N4BP1: variants seen among roughly 807,000 people sequenced by gnomAD.
N4BP1 encodes the protein NEDD4-binding protein 1.
N4BP1 carries 21 observed loss-of-function variants against 70.9 expected under a neutral mutation model. That is an observed-to-expected ratio of 0.30 (90% CI 0.21 to 0.43). The LOEUF is 0.43. Among genes scored for constraint, N4BP1 ranks in the 20% least tolerant of loss-of-function variants. The pLI is 1.00. For synonymous variants in N4BP1, 387 were observed against 394.6 expected (o/e 0.98, Z 0.23); for missense variants, 936 against 1,069.4 (o/e 0.88, Z 1.74).
rs186530978 is a variant in N4BP1, at chr16:48,554,434, T to C, written c.1890-765A>G. Among the ~76,000 whole-genome samples, 532 of 152,166 alleles carry C rather than the reference T, an allele frequency of 3.5e-3. 2 individuals carry two copies. The highest frequency in any genetic ancestry group is 6.2e-3 in the Non-Finnish European group (419 of 67,998). On this transcript the variant is annotated intron_variant, in intron 2 of 6. Transcript: ENST00000262384. The stretch of plus-strand genomic sequence containing the variant: ...GGATTAAAAAATGCCCACCCCTCCA[T>C]CCATAACACATTTCAACGGAAAGGA...
At chr16:48,558,307 AAAG>A (rs1206990771) in intron 2 of N4BP1, among the ~76,000 whole-genome samples, 25 of 130,378 alleles carry the variant, frequency 1.9e-4, no homozygotes, top group East Asian at 6.1e-4. Context: ...AAAAAAAAAA[AAAG>A]AAGAAATAAA....
At chr16:48,572,755 G>T (rs1964037025) in intron 1 of N4BP1, among the ~76,000 whole-genome samples, 1 of 152,136 alleles carries the variant, frequency 6.6e-6, no homozygotes, top group Non-Finnish European at 1.5e-5. Context: ...ATGCTAAATA[G>T]AGATATAAAT....
rs1481342693 is a variant in N4BP1, at chr16:48,540,806, G to T, written c.*2098C>A. ...CACACTGAGGCTAGTACTGGAGGAG[G>T]CTGAGAACCAGTAATGAGTTCTTAA... On this transcript the variant is annotated 3_prime_UTR_variant, in exon 7 of 7. Coordinates refer to ENST00000262384, the MANE Select transcript of N4BP1 (RefSeq NM_153029.4). 6.6e-6 allele frequency: 1 copy of T among 152,236 alleles called. No individual in the cohort carries two copies. Among genetic ancestry groups the T allele is most frequent in the Non-Finnish European group, 1.5e-5 (1 of 68,052 alleles). 9.4% of individuals were successfully genotyped at this position (152,236 alleles called of 1,614,324 possible).
chr16:48,603,073 C>T (rs774513885), intron 1 of N4BP1, among the ~76,000 whole-genome samples: 7 of 152,150 alleles, frequency 4.6e-5, no homozygotes, highest in African/African-American at 7.2e-5. Context: ...AGTACCTGGT[C>T]AACTTGAACC....
chr16:48,596,861 T>C (rs148802585), intron 1 of N4BP1, among the ~76,000 whole-genome samples: 1 of 152,286 alleles, frequency 6.6e-6, no homozygotes, highest in East Asian at 1.9e-4. Flanking sequence ...CTCCAAGAGT[T>C]TGAACCTCCC....
At chr16:48,552,978 T>C (rs747921924) in intron 3 of N4BP1, among the ~76,000 whole-genome samples, 59 of 152,212 alleles carry the variant, frequency 3.9e-4, no homozygotes, top group South Asian at 1.0e-3. Context: ...TTCCAGGCCC[T>C]CTGATGTGTT....
At chr16:48,596,430 A>G (rs1209732671) in intron 1 of N4BP1, among the ~76,000 whole-genome samples, 2 of 152,154 alleles carry the variant, frequency 1.3e-5, no homozygotes, top group African/African-American at 4.8e-5. Flanking sequence ...CACTCCTCTC[A>G]CTTTGTGGTC....
At chr16:48,589,042 T>C (rs1340414948) in intron 1 of N4BP1, among the ~76,000 whole-genome samples, 1 of 152,198 alleles carries the variant, frequency 6.6e-6, no homozygotes, top group Non-Finnish European at 1.5e-5. Flanking sequence ...CCAGAATCTG[T>C]GAAATTACAT....
At chr16:48,600,208 G>GC (rs1964474952) in intron 1 of N4BP1, 2 of 720,042 alleles carry the variant, frequency 2.8e-6, no homozygotes, top group Non-Finnish European at 2.5e-6. Flanking sequence ...ATCTACCCTG[G>GC]CCACGGCATG....
chr16:48,566,047 T>C (rs1963938912), intron 1 of N4BP1, among the ~76,000 whole-genome samples: 1 of 152,174 alleles, frequency 6.6e-6, no homozygotes, highest in Non-Finnish European at 1.5e-5. Flanking sequence ...TATTGATCTT[T>C]TCAAAGAACA....
At position 48,562,420 on chromosome 16, in the gene N4BP1, G is replaced by A; in HGVS notation, c.223C>T (p.Pro75Ser). 4 of 1,609,978 alleles carry A rather than the reference G, an allele frequency of 2.5e-6. No individual in the cohort carries two copies. The highest frequency in any genetic ancestry group is 3.4e-6 in the Non-Finnish European group (4 of 1,178,728). Reference sequence around the variant, plus strand: ...TAACATTCTCTTTCTTCTAGTTCAGGTTCACAGATTCCTTTAATATATTCC... The same window carrying A: ...TAACATTCTCTTTCTTCTAGTTCAGATTCACAGATTCCTTTAATATATTCC... ...AKEYIKGICE[P>S]ELEERECYPK... is the part of the protein sequence containing the mutation. Residue 75 changes from proline to serine, a missense_variant, in exon 2 of 7, where the codon CCT (proline) becomes TCT (serine). By Grantham distance (74) the Pro-to-Ser change is moderately conservative (BLOSUM62 -1). Transcript: ENST00000262384.
At chr16:48,595,421 C>T (rs555297867) in intron 1 of N4BP1, among the ~76,000 whole-genome samples, 1 of 125,704 alleles carries the variant, frequency 8.0e-6, no homozygotes, top group South Asian at 2.5e-4. Flanking sequence ...CACACCACTG[C>T]ACTCAAGCCT....
intron 1 of N4BP1, among the ~76,000 whole-genome samples, chr16:48,595,838 T>C (rs1964404690): frequency 1.3e-5 from 2 of 152,164 alleles, no homozygotes; most frequent in South Asian, 4.1e-4. Context: ...CTGTGGTAAG[T>C]AAAGAATGTC....
Position 48,589,582 on chromosome 16 carries a change from C to T in N4BP1, c.198+20193G>A, listed in dbSNP as rs118102154. ...CTTTGTAACAGCCTTTACAATTAAC[C>T]AGTAAGTGTCTTGCCCAGAGTTCTC... is the stretch of plus-strand genomic sequence containing the variant. On this transcript the variant is annotated intron_variant, in intron 1 of 6. Transcript: ENST00000262384. Among the ~76,000 whole-genome samples the T allele has an allele frequency of 8.0e-4, 122 of 152,182 alleles. 1 individual carries two copies. The East Asian group carries it at 0.02, about 24-fold the overall frequency.
rs539832678 is a variant in N4BP1 at position 48,573,312 on chromosome 16, C to G, written c.199-10868G>C. Among the ~76,000 whole-genome samples the G allele has an allele frequency of 4.6e-5, 7 of 151,736 alleles. No homozygotes were observed. The South Asian group carries it at 1.5e-3, about 32-fold the overall frequency. On this transcript the variant is annotated intron_variant, in intron 1 of 6. Coordinates refer to ENST00000262384, the MANE Select transcript of N4BP1 (RefSeq NM_153029.4). ...AATTGATAAGAAATAGCAGTACAGG[C>G]TGGGCACAGTGGCTCACACCTATAA...
At position 48,561,675 on chromosome 16, in the gene N4BP1, T is replaced by A; in HGVS notation, c.968A>T (p.Asp323Val). The change falls in exon 2 of 7, where the codon GAC (aspartate) becomes GTC (valine). Residue 323 changes from aspartate to valine, a missense_variant. Transcript: ENST00000262384. ...AKTLAGNVIA[D>V]LSDSSADSEN... ...AGAATCAGCAGAAGAATCAGATAGG[T>A]CAGCTATTACATTTCCAGCCAATGT... The A allele has an allele frequency of 1.2e-6, 2 of 1,613,272 alleles. No individual in the cohort carries two copies. The highest frequency in any genetic ancestry group is 2.2e-5 in the South Asian group (2 of 91,080).
Position 48,561,337 on chromosome 16 carries a change from G to C in N4BP1, c.1306C>G (p.Gln436Glu), listed in dbSNP as rs1458160210. Residue 436 changes from glutamine (Q) to glutamate (E), a missense_variant, in exon 2 of 7, where the codon CAA (glutamine) becomes GAA (glutamate). Physicochemically the swap from Gln to Glu is conservative, Grantham distance 29. Transcript: ENST00000262384. ...TGAGAAAATTTTTCTACCATATTTT[G>C]CTGTGTGTGAGCCTGTGTTTTCTTT... is the stretch of plus-strand genomic sequence containing the variant. ...TPKKTQAHTQ[Q>E]NMVEKFSQLP... The C allele has an allele frequency of 1.2e-6, 2 of 1,613,834 alleles. No individual in the cohort carries two copies. Among genetic ancestry groups the C allele is most frequent in the Non-Finnish European group, 8.5e-7 (1 of 1,179,834 alleles).
chr16:48,546,290 G>C, intron 5 of N4BP1, 36 bp from the exon 6 acceptor site: 1 of 1,451,054 alleles, frequency 6.9e-7, no homozygotes, highest in East Asian at 2.4e-5. Flanking sequence ...GAGAGACAGG[G>C]TCCTCACTGC....
intron 1 of N4BP1, among the ~76,000 whole-genome samples, chr16:48,569,333 C>T (rs955283971): frequency 6.6e-6 from 1 of 152,192 alleles, no homozygotes; most frequent in Non-Finnish European, 1.5e-5. Context: ...CAAGCTGCAA[C>T]CTGTCTTCTG....
Sources: gnomAD v4.1 joint callset for allele counts (sites outside exome capture counted in the v4.1 genomes callset) on GRCh38, gnomAD v4.1.1 for gene constraint, MANE v1.5 for transcripts, NCBI Gene and HGNC (gene_info 2026-07-23, HGNC 2026-07-21) for gene names.